Variants in CCDC73 observed in about 807,000 individuals in gnomAD.
The protein encoded by CCDC73 is coiled-coil domain-containing protein 73.
CCDC73 carries 95 observed loss-of-function variants against 116.5 expected under a neutral mutation model. The ratio of observed to expected loss-of-function variants is 0.82; its 90% CI spans 0.69 to 0.97. The LOEUF (loss-of-function observed/expected upper bound fraction) is 0.97, where lower values mean the gene tolerates loss of function less well. Ranked by LOEUF, CCDC73 falls within the 50% of genes least tolerant of loss-of-function variation. The pLI is 0.00. For missense variants in CCDC73, 1,066 were observed against 1,206.8 expected, an observed-to-expected ratio of 0.88 and a Z score of 1.73; for synonymous variants, 398 against 401.3, an observed-to-expected ratio of 0.99 and a Z score of 0.10.
At chr11:32,713,574 A>G (rs925215869) in intron 3 of CCDC73, among the ~76,000 whole-genome samples, 5 of 152,084 alleles carry the variant, frequency 3.3e-5, no homozygotes, top group African/African-American at 4.8e-5. Context: ...AAATCTTTGA[A>G]GAAGTTTAAA....
chr11:32,682,103 CAT>C (rs770063114), intron 7 of CCDC73: 1 of 151,564 alleles, frequency 6.6e-6, no homozygotes, highest in Non-Finnish European at 1.5e-5. Context: ...TAAGTATATA[CAT>C]GTTTCCATGT....
chr11:32,805,361 AG>A, the CCDC73 span, among the ~76,000 whole-genome samples: 1 of 152,248 alleles, frequency 6.6e-6, no homozygotes, highest in East Asian at 1.9e-4. Context: ...AAACTTTCCA[AG>A]GTCACAGACT....
chr11:32,784,379 A>T (rs1389928617), intron 1 of CCDC73, among the ~76,000 whole-genome samples: 1 of 152,174 alleles, frequency 6.6e-6, no homozygotes, highest in Non-Finnish European at 1.5e-5. Context: ...CCAAGGTGGT[A>T]AGGAAAAATA....
chr11:32,766,376 C>T (rs1316367972), intron 1 of CCDC73, among the ~76,000 whole-genome samples: 1 of 152,194 alleles, frequency 6.6e-6, no homozygotes, highest in East Asian at 1.9e-4. Flanking sequence ...AAACTGGAAG[C>T]CTTCCCTTTG....
chr11:32,628,733 C>G (rs76767696), intron 14 of CCDC73, among the ~76,000 whole-genome samples: 103 of 152,250 alleles, frequency 6.8e-4, no homozygotes, highest in African/African-American at 2.3e-3. Flanking sequence ...CAAAATCTAG[C>G]AATCAGCAAT....
intron 12 of CCDC73, among the ~76,000 whole-genome samples, chr11:32,648,200 C>A (rs1316793319): frequency 6.6e-6 from 1 of 152,238 alleles, no homozygotes; most frequent in Admixed American, 6.5e-5. Flanking sequence ...CAAATCCTGA[C>A]CATTTCTGCA....
chr11:32,801,296 T>C, the CCDC73 span, among the ~76,000 whole-genome samples: 2 of 152,174 alleles, frequency 1.3e-5, no homozygotes, highest in Non-Finnish European at 2.9e-5. Flanking sequence ...GAGTTACTCC[T>C]AGAGCTGGAG....
At chr11:32,681,664 C>T (rs1293858422) in intron 7 of CCDC73, 6 of 152,028 alleles carry the variant, frequency 3.9e-5, no homozygotes, top group Non-Finnish European at 8.8e-5. Context: ...AAAGTCGTGC[C>T]TTCACACTAG....
chr11:32,685,695 G>A (rs545058892), intron 6 of CCDC73, among the ~76,000 whole-genome samples: 40 of 149,686 alleles, frequency 2.7e-4, no homozygotes, highest in Admixed American at 2.3e-3. Flanking sequence ...TTCTGAGGAC[G>A]AATGTGACAA....
chr11:32,703,147 C>T (rs1849828058), intron 3 of CCDC73, among the ~76,000 whole-genome samples: 2 of 152,246 alleles, frequency 1.3e-5, no homozygotes, highest in Admixed American at 1.3e-4. Context: ...AATGCAGTGG[C>T]ACAATCACAG....
rs543550077 is a variant in CCDC73, at chr11:32,635,951, T to C, written c.1051-121A>G. ...TCAAAGAATCAAAACAATCACAAAG[T>C]CATTACTAATATTAAGAGCTACCAT... On this transcript the variant is annotated intron_variant, in intron 13 of 17. Coordinates refer to ENST00000335185, the MANE Select transcript of CCDC73 (RefSeq NM_001008391.4). 232 of 620,972 alleles carry C rather than the reference T, an allele frequency of 3.7e-4. 1 individual carries two copies. In the African/African-American group the frequency reaches 4.2e-3, roughly 11 times the overall value. 38.5% of individuals were successfully genotyped at this position (620,972 alleles called of 1,614,324 possible).
At chr11:32,655,449 A>G in intron 9 of CCDC73, among the ~76,000 whole-genome samples, 1 of 152,236 alleles carries the variant, frequency 6.6e-6, no homozygotes, top group East Asian at 1.9e-4. Context: ...TTTGAACTGA[A>G]TCTTTAAAGA....
intron 9 of CCDC73, among the ~76,000 whole-genome samples, chr11:32,669,936 T>C (rs1358792732): frequency 6.6e-6 from 1 of 152,222 alleles, no homozygotes; most frequent in Non-Finnish European, 1.5e-5. Context: ...GGAGTGCAGA[T>C]ATCTCTTCAA....
In CCDC73 at chr11:32,614,702, A is replaced by G; in HGVS notation, c.1616T>C (p.Val539Ala). The stretch of plus-strand genomic sequence containing the variant: ...TGTTTCTATTGCTGTATCTAACACT[A>G]CAAAATGATTATTTGGTGATTTAAA... Reference protein sequence around the residue: ...TEFKSPNNHFVVLDTAIETEK... With the variant: ...TEFKSPNNHFAVLDTAIETEK... The change falls in exon 16 of 18, where the codon GTA becomes GCA. Residue 539 changes from valine (V) to alanine (A), a missense_variant. Coordinates refer to ENST00000335185, the MANE Select transcript of CCDC73 (RefSeq NM_001008391.4). 1.2e-6 allele frequency: 2 copies of G among 1,612,508 alleles called. No individual in the cohort carries two copies.
At chr11:32,766,794 C>A (rs1339294152) in intron 1 of CCDC73, among the ~76,000 whole-genome samples, 3 of 152,142 alleles carry the variant, frequency 2.0e-5, no homozygotes, top group African/African-American at 7.2e-5. Flanking sequence ...AGGAGAACTA[C>A]AAACCACTGC....
chr11:32,675,742 T>C (rs1378496622), intron 8 of CCDC73, 98 bp from the exon 9 acceptor site: 3 of 1,202,504 alleles, frequency 2.5e-6, no homozygotes, highest in South Asian at 1.3e-5. Context: ...CAATGCAATA[T>C]ATATGTTATT....
At chr11:32,673,618 G>A (rs1856058622) in intron 9 of CCDC73, among the ~76,000 whole-genome samples, 2 of 152,122 alleles carry the variant, frequency 1.3e-5, no homozygotes, top group Admixed American at 6.6e-5. Flanking sequence ...ATCTTTGACT[G>A]TGAAACAACT....
chr11:32,781,061 G>A (rs1850579622), intron 1 of CCDC73, among the ~76,000 whole-genome samples: 1 of 152,190 alleles, frequency 6.6e-6, no homozygotes, highest in Non-Finnish European at 1.5e-5. Flanking sequence ...CTTGAGCCCA[G>A]AAGGCGGACG....
chr11:32,738,584 T>A (rs1454863557), intron 2 of CCDC73, among the ~76,000 whole-genome samples: 1 of 152,202 alleles, frequency 6.6e-6, no homozygotes, highest in Non-Finnish European at 1.5e-5. Context: ...GAGCTCTTTA[T>A]GTATTTTGGT....
Sources: allele counts gnomAD v4.1 joint callset (sites outside exome capture counted in the v4.1 genomes callset), GRCh38; gene constraint gnomAD v4.1.1; transcripts MANE v1.5; gene names NCBI Gene and HGNC (gene_info 2026-07-23, HGNC 2026-07-21).